The following SLC8A1 variants were observed in gnomAD, a reference collection of about 807,000 sequenced individuals.
SLC8A1 encodes solute carrier family 8 member A1, also known as sodium/calcium exchanger 1.
Under a neutral mutation model 68.3 loss-of-function variants are expected in SLC8A1, and 18 were observed. The ratio of observed to expected loss-of-function variants is 0.26; its 90% CI spans 0.18 to 0.39. The LOEUF is 0.39. Among genes scored for constraint, SLC8A1 ranks in the 10% least tolerant of loss-of-function variants. SLC8A1 has a pLI of 1.00. For missense variants in SLC8A1, 985 were observed against 1,156.7 expected, an observed-to-expected ratio of 0.85 and a Z score of 2.15; for synonymous variants, 475 against 415.5, an observed-to-expected ratio of 1.14 and a Z score of -1.74.
chr2:40,448,565 C>A (rs1172568120), intron 1 of SLC8A1, among the ~76,000 whole-genome samples: 2 of 152,126 alleles, frequency 1.3e-5, no homozygotes, highest in Non-Finnish European at 2.9e-5. Flanking sequence ...GTTTTGTTAG[C>A]CACCTTTACT....
intron 2 of SLC8A1, among the ~76,000 whole-genome samples, chr2:40,193,654 C>T (rs369140): frequency 0.23 from 35,708 of 151,974 alleles, 4,427 homozygotes; most frequent in Middle Eastern, 0.27. Context: ...CATAATTTTG[C>T]AAGAAGGAGC....
At chr2:40,164,969 T>C (rs776086907) in exon 5 of SLC8A1, 71 of 1,613,780 alleles carry the variant, frequency 4.4e-5, no homozygotes, top group Non-Finnish European at 5.8e-5. Flanking sequence ...CAGTGGCTGC[T>C]TGTCATCATA....
chr2:40,425,636 G>A (rs1648123576), intron 2 of SLC8A1, among the ~76,000 whole-genome samples: 1 of 151,734 alleles, frequency 6.6e-6, no homozygotes, highest in African/African-American at 2.4e-5. Flanking sequence ...AGGTTTTGAA[G>A]GAGGACATCT....
intron 2 of SLC8A1, among the ~76,000 whole-genome samples, chr2:40,303,086 T>C (rs542791183): frequency 4.9e-4 from 75 of 152,326 alleles, no homozygotes; most frequent in South Asian, 3.9e-3. Flanking sequence ...TGAATCTGTA[T>C]ACAGTTACTA....
At chr2:40,248,527 T>C (rs1049084063) in intron 2 of SLC8A1, among the ~76,000 whole-genome samples, 1 of 152,228 alleles carries the variant, frequency 6.6e-6, no homozygotes, top group African/African-American at 2.4e-5. Context: ...GACCTTGGAC[T>C]TTCTAGCCTC....
chr2:40,308,946 G>C (rs2073171086), intron 2 of SLC8A1, among the ~76,000 whole-genome samples: 1 of 152,148 alleles, frequency 6.6e-6, no homozygotes, highest in Admixed American at 6.5e-5. Context: ...AAAATATTTG[G>C]GGGACTGGGT....
intron 1 of SLC8A1, among the ~76,000 whole-genome samples, chr2:40,461,227 G>A (rs1360042016): frequency 4.6e-5 from 7 of 152,242 alleles, no homozygotes. Flanking sequence ...GGCATATCAA[G>A]GTGCGGATGG....
intron 2 of SLC8A1, among the ~76,000 whole-genome samples, chr2:40,183,798 A>G (rs1039882896): frequency 6.6e-6 from 1 of 152,112 alleles, no homozygotes; most frequent in South Asian, 2.1e-4. Flanking sequence ...AACTAGAAAT[A>G]CCTAAACCCA....
intron 2 of SLC8A1, among the ~76,000 whole-genome samples, chr2:40,323,111 T>C (rs968885455): frequency 1.3e-5 from 2 of 152,168 alleles, no homozygotes; most frequent in African/African-American, 4.8e-5. Flanking sequence ...TATTCTTATT[T>C]GTAAAGCAAC....
At chr2:40,493,276 A>C (rs940476838) in intron 1 of SLC8A1, among the ~76,000 whole-genome samples, 2 of 145,360 alleles carry the variant, frequency 1.4e-5, no homozygotes, top group Admixed American at 7.1e-5. Flanking sequence ...ATTCTCACTC[A>C]TAGGTGGGAA....
At chr2:40,152,805 A>ATT (rs1393351847) in intron 6 of SLC8A1, among the ~76,000 whole-genome samples, 1 of 151,868 alleles carries the variant, frequency 6.6e-6, no homozygotes, top group African/African-American at 2.4e-5. Context: ...ATGTGTAATA[A>ATT]TTACACAGAA....
chr2:40,138,466 G>A (rs1412257803), intron 7 of SLC8A1, among the ~76,000 whole-genome samples: 1 of 152,104 alleles, frequency 6.6e-6, no homozygotes, highest in Non-Finnish European at 1.5e-5. Context: ...CTTGGTATTT[G>A]GTTAAGAACG....
At chr2:40,112,386 C>T (rs370974161) in exon 8 of SLC8A1, 5 of 143,918 alleles carry the variant, frequency 3.5e-5, no homozygotes, top group African/African-American at 1.1e-4. Flanking sequence ...AATAATTTTA[C>T]ACAACTATAA....
rs527557182 is a variant in SLC8A1 at position 40,273,252 on chromosome 2, C to T, written c.1809-95397G>A. On this transcript the variant is annotated intron_variant, in intron 2 of 7. Coordinates refer to ENST00000406785, the Ensembl canonical transcript of SLC8A1. ...CACCATGCCTGGCCCTCCAAATACTCTTTTTTTTTTTTGTATTTTTAGTAG... is the reference window on the plus strand; with the variant it reads ...CACCATGCCTGGCCCTCCAAATACTTTTTTTTTTTTTTGTATTTTTAGTAG... Among the ~76,000 whole-genome samples, 38 of 144,522 alleles carry T rather than the reference C, an allele frequency of 2.6e-4. No individual in the cohort carries two copies. The South Asian group carries it at 4.0e-3, about 15-fold the overall frequency. 94.8% of individuals were successfully genotyped at this position (144,522 alleles called of 152,430 possible). A position where few individuals can be genotyped will look rare whatever the true frequency, so the allele number is the denominator to read the frequency against.
chr2:40,300,742 G>C lies in SLC8A1; in HGVS notation c.1809-122887C>G, dbSNP rs376976920. Among the ~76,000 whole-genome samples, 6 of 152,232 alleles carry C rather than the reference G, an allele frequency of 3.9e-5. No individual in the cohort carries two copies. In the East Asian group the frequency reaches 5.8e-4, roughly 15 times the overall value. Reference sequence around the variant, plus strand: ...TCTCCAGGAGCAAAGTCAGGAAAAGGCTGAAGACACCAGCAGCCGTTGAGA... The same window carrying C: ...TCTCCAGGAGCAAAGTCAGGAAAAGCCTGAAGACACCAGCAGCCGTTGAGA... On this transcript the variant is annotated intron_variant, in intron 2 of 7. Coordinates refer to ENST00000406785, the Ensembl canonical transcript of SLC8A1.
At chr2:40,362,705 A>T (rs1674960209) in intron 2 of SLC8A1, among the ~76,000 whole-genome samples, 1 of 152,128 alleles carries the variant, frequency 6.6e-6, no homozygotes, top group African/African-American at 2.4e-5. Flanking sequence ...AATTTTGGTA[A>T]GTTTATAAAC....
intron 2 of SLC8A1, among the ~76,000 whole-genome samples, chr2:40,309,366 G>C (rs958410390): frequency 1.3e-5 from 2 of 150,260 alleles, no homozygotes; most frequent in Non-Finnish European, 3.0e-5. Context: ...GCTTTGGAAG[G>C]CGCACAGATA....
intron 3 of SLC8A1, 85 bp from the exon 5 acceptor site, chr2:40,174,927 C>T: frequency 1.6e-6 from 2 of 1,290,090 alleles, no homozygotes; most frequent in Non-Finnish European, 2.2e-6. Flanking sequence ...CCTGACAACC[C>T]ACCCAAGGTA....
intron 2 of SLC8A1, among the ~76,000 whole-genome samples, chr2:40,345,800 C>T (rs1376779780): frequency 1.3e-5 from 2 of 151,958 alleles, no homozygotes; most frequent in African/African-American, 4.8e-5. Flanking sequence ...ACAATGAGAA[C>T]ACATGGACAC....
Sources: allele counts gnomAD v4.1 joint callset (sites outside exome capture counted in the v4.1 genomes callset), GRCh38; gene constraint gnomAD v4.1.1; transcripts MANE v1.5; gene names NCBI Gene and HGNC (gene_info 2026-07-23, HGNC 2026-07-21).